LHFPL3: variants seen among roughly 807,000 people sequenced by gnomAD.
LHFPL3 encodes the protein LHFPL tetraspan subfamily member 3, also known as LHFPL tetraspan subfamily member 3 protein.
A neutral mutation model predicts 19.3 loss-of-function variants in LHFPL3; 5 were observed. That is an observed-to-expected ratio of 0.26 (90% CI 0.14 to 0.54). The LOEUF (loss-of-function observed/expected upper bound fraction) is 0.54, where lower values mean the gene tolerates loss of function less well. Ranked by LOEUF, LHFPL3 falls within the 20% of genes least tolerant of loss-of-function variation. LHFPL3 has a pLI of 0.94. For synonymous variants in LHFPL3, 133 were observed against 126.2 expected (o/e 1.05, Z -0.36); for missense variants, 249 against 307.4 (o/e 0.81, Z 1.42).
At chr7:104,435,192 C>T (rs1792079308) in intron 1 of LHFPL3, among the ~76,000 whole-genome samples, 1 of 152,148 alleles carries the variant, frequency 6.6e-6, no homozygotes, top group South Asian at 2.1e-4. Context: ...ACCCAGGCTG[C>T]AGTGCAGTGG....
intron 1 of LHFPL3, among the ~76,000 whole-genome samples, chr7:104,512,416 C>T (rs909153698): frequency 2.0e-5 from 3 of 152,038 alleles, no homozygotes; most frequent in Non-Finnish European, 4.4e-5. Context: ...GAGAGCTTTT[C>T]ATCTAGCAGG....
At chr7:104,384,361 A>G (rs1220183473) in intron 1 of LHFPL3, among the ~76,000 whole-genome samples, 1 of 152,196 alleles carries the variant, frequency 6.6e-6, no homozygotes, top group Non-Finnish European at 1.5e-5. Flanking sequence ...GGATGCAGAT[A>G]TAAAAAAAGA....
intron 2 of LHFPL3, among the ~76,000 whole-genome samples, chr7:104,744,891 T>A (rs1794011173): frequency 6.6e-6 from 1 of 152,208 alleles, no homozygotes; most frequent in Admixed American, 6.5e-5. Flanking sequence ...GTGTATCCTT[T>A]CTAGCTACAC....
intron 1 of LHFPL3, among the ~76,000 whole-genome samples, chr7:104,337,018 C>A (rs1554376680): frequency 1.3e-5 from 2 of 151,886 alleles, no homozygotes; most frequent in Non-Finnish European, 2.9e-5. Context: ...GCATCACAGG[C>A]CCTTTTTTTT....
chr7:104,329,233 G>A lies in LHFPL3; in HGVS notation c.445+9G>A. The A allele has an allele frequency of 6.3e-7, 1 of 1,590,174 alleles. No individual in the cohort carries two copies. The highest frequency in any genetic ancestry group is 8.6e-7 in the Non-Finnish European group (1 of 1,164,864). ...GATGCAGCTCACCTCCGGTGAGTGC[G>A]CGCTCACCTCCGCGGAGGCGGAGGA... is the stretch of plus-strand genomic sequence containing the variant. On this transcript the variant is annotated intron_variant, in intron 1 of 2. Coordinates refer to ENST00000424859, the MANE Select transcript of LHFPL3 (RefSeq NM_199000.3).
At chr7:104,669,287 A>G (rs557378835) in intron 1 of LHFPL3, 96 of 1,614,048 alleles carry the variant, frequency 5.9e-5, no homozygotes, top group Non-Finnish European at 7.9e-5. Context: ...GCTCCAGCTC[A>G]ACCATCTGAG....
intron 2 of LHFPL3, among the ~76,000 whole-genome samples, chr7:104,749,076 G>A (rs1200912554): frequency 1.1e-4 from 17 of 152,356 alleles, no homozygotes; most frequent in East Asian, 5.8e-4. Flanking sequence ...AGAGTTGGCC[G>A]AATCCAATTA....
chr7:104,410,232 A>G (rs1791509992), intron 1 of LHFPL3, among the ~76,000 whole-genome samples: 1 of 152,140 alleles, frequency 6.6e-6, no homozygotes, highest in Non-Finnish European at 1.5e-5. Flanking sequence ...TCCCAGGTTC[A>G]AGCAATTCTC....
At chr7:104,541,985 G>C (rs886094902) in intron 1 of LHFPL3, among the ~76,000 whole-genome samples, 4 of 152,002 alleles carry the variant, frequency 2.6e-5, no homozygotes, top group Middle Eastern at 3.2e-3. Context: ...CTTGACGTGA[G>C]AGCATGCTGT....
intron 2 of LHFPL3, among the ~76,000 whole-genome samples, chr7:104,828,595 G>A (rs990962642): frequency 5.9e-5 from 9 of 152,080 alleles, no homozygotes; most frequent in African/African-American, 2.2e-4. Context: ...GAGGAGGAAG[G>A]CAGCAAAGCC....
In LHFPL3 at chr7:104,885,352, T is replaced by C. The variant is rs561549915; in HGVS notation, c.683-20835T>C. Among the ~76,000 whole-genome samples the C allele has an allele frequency of 4.6e-5, 7 of 152,276 alleles. No individual in the cohort carries two copies. The East Asian group carries it at 1.4e-3, about 29-fold the overall frequency. ...GTACAATGGATGGCTCCCAAATATG[T>C]ATCTCCAGTTCCAACCTCTCCCTTG... is the stretch of plus-strand genomic sequence containing the variant. On this transcript the variant is annotated intron_variant, in intron 2 of 2. Transcript: ENST00000424859.
At chr7:104,777,778 T>G (rs1794657353) in intron 2 of LHFPL3, among the ~76,000 whole-genome samples, 1 of 152,116 alleles carries the variant, frequency 6.6e-6, no homozygotes, top group South Asian at 2.1e-4. Context: ...CTTCGTTCCC[T>G]TTCTGAGTGA....
intron 2 of LHFPL3, among the ~76,000 whole-genome samples, chr7:104,831,122 C>T (rs1310691799): frequency 6.6e-6 from 1 of 151,888 alleles, no homozygotes; most frequent in African/African-American, 2.4e-5. Context: ...TAGAAATTGA[C>T]CATTTCACTG....
rs1425268943 is a variant in LHFPL3, at chr7:104,526,668, T to C, written c.445+197444T>C. On this transcript the variant is annotated intron_variant, in intron 1 of 2. Coordinates refer to ENST00000424859, the MANE Select transcript of LHFPL3 (RefSeq NM_199000.3). ...GAAATGTTACCCAGACTTTTGTTGA[T>C]GTTGCAATTCAGACTTTTTGGTGCA... Among the ~76,000 whole-genome samples, 4 of 152,216 alleles carry C rather than the reference T, an allele frequency of 2.6e-5. 1 individual carries two copies. The highest frequency in any genetic ancestry group is 2.6e-4 in the Admixed American group (4 of 15,276).
chr7:104,490,305 C>G (rs541316314), intron 1 of LHFPL3, among the ~76,000 whole-genome samples: 3 of 152,154 alleles, frequency 2.0e-5, no homozygotes, highest in African/African-American at 7.2e-5. Flanking sequence ...ATCTGTTTCA[C>G]TCCTCTTCTA....
At chr7:104,364,981 T>C (rs1790456175) in intron 1 of LHFPL3, among the ~76,000 whole-genome samples, 1 of 152,062 alleles carries the variant, frequency 6.6e-6, no homozygotes, top group African/African-American at 2.4e-5. Context: ...AGAAAGAGGA[T>C]TTCTACCATT....
intron 1 of LHFPL3, among the ~76,000 whole-genome samples, chr7:104,409,094 T>G (rs1450773260): frequency 6.6e-6 from 1 of 150,638 alleles, no homozygotes; most frequent in Admixed American, 6.6e-5. Flanking sequence ...GCCAAGATGG[T>G]CTCGGTCTCC....
intron 2 of LHFPL3, among the ~76,000 whole-genome samples, chr7:104,879,729 A>G (rs1280801449): frequency 6.6e-6 from 1 of 152,256 alleles, no homozygotes; most frequent in African/African-American, 2.4e-5. Context: ...TACAAAATGA[A>G]GCAGCAAATG....
chr7:104,751,959 C>T (rs865786278), intron 2 of LHFPL3, among the ~76,000 whole-genome samples: 1 of 152,060 alleles, frequency 6.6e-6, no homozygotes, highest in African/African-American at 2.4e-5. Flanking sequence ...GGGTATGGCG[C>T]CCTGCCCTGT....
Sources: gnomAD v4.1 joint callset for allele counts (sites outside exome capture counted in the v4.1 genomes callset) on GRCh38, gnomAD v4.1.1 for gene constraint, MANE v1.5 for transcripts, NCBI Gene and HGNC (gene_info 2026-07-23, HGNC 2026-07-21) for gene names.